The following BNC2 variants were observed in gnomAD, a reference collection of about 807,000 sequenced individuals.
BNC2 encodes the protein zinc finger protein basonuclin-2.
BNC2 carries 20 observed loss-of-function variants against 76.3 expected under a neutral mutation model. The observed-to-expected ratio is 0.26, with a 90% confidence interval of 0.18 to 0.38. The LOEUF (loss-of-function observed/expected upper bound fraction) is 0.38, where lower values mean the gene tolerates loss of function less well. BNC2 is among the 10% of genes least tolerant of loss of function. The pLI, the probability that BNC2 is intolerant of heterozygous loss-of-function variation, is 1.00. For missense variants in BNC2, 1,382 were observed against 1,399.8 expected (o/e 0.99, Z 0.20); for synonymous variants, 582 against 514.8 (o/e 1.13, Z -1.77).
At chr9:16,844,902 T>C (rs1818929716) in intron 1 of BNC2, among the ~76,000 whole-genome samples, 1 of 152,212 alleles carries the variant, frequency 6.6e-6, no homozygotes, top group Admixed American at 6.5e-5. Flanking sequence ...TCTGCAATCC[T>C]GATGCTGCAG....
intron 3 of BNC2, among the ~76,000 whole-genome samples, chr9:16,656,595 A>C (rs1438538540): frequency 6.6e-6 from 1 of 152,246 alleles, no homozygotes; most frequent in East Asian, 1.9e-4. Context: ...TCATGCTACC[A>C]TCACCACAAC....
At chr9:16,760,236 T>G (rs893780386) in intron 1 of BNC2, among the ~76,000 whole-genome samples, 1 of 152,148 alleles carries the variant, frequency 6.6e-6, no homozygotes, top group Admixed American at 6.5e-5. Flanking sequence ...GTGAGTAGTA[T>G]TTTTCAAAAT....
intron 1 of BNC2, among the ~76,000 whole-genome samples, chr9:16,789,191 G>A (rs1023890197): frequency 6.6e-6 from 1 of 152,118 alleles, no homozygotes; most frequent in Non-Finnish European, 1.5e-5. Context: ...TATAGGGGCA[G>A]AAAACATCAG....
At chr9:16,453,526 G>T (rs1031127477) in intron 5 of BNC2, among the ~76,000 whole-genome samples, 3 of 152,078 alleles carry the variant, frequency 2.0e-5, no homozygotes, top group African/African-American at 7.2e-5. Flanking sequence ...CATCCTAACT[G>T]GATTATTTTG....
At chr9:16,570,298 T>C (rs763364840) in intron 4 of BNC2, among the ~76,000 whole-genome samples, 19 of 152,162 alleles carry the variant, frequency 1.2e-4, no homozygotes, top group Non-Finnish European at 2.5e-4. Context: ...TACTCAGTCT[T>C]GAAAAAGAAA....
At chr9:16,809,131 A>T (rs1481345828) in intron 1 of BNC2, among the ~76,000 whole-genome samples, 2 of 152,168 alleles carry the variant, frequency 1.3e-5, no homozygotes, top group Non-Finnish European at 2.9e-5. Context: ...GCTGAGGCTT[A>T]AATGGCCTGG....
intron 1 of BNC2, among the ~76,000 whole-genome samples, chr9:16,775,050 T>C (rs1032476847): frequency 5.3e-5 from 8 of 152,198 alleles, no homozygotes; most frequent in African/African-American, 1.7e-4. Context: ...TTTAGAACAG[T>C]TGTTTTCAAA....
intron 3 of BNC2, chr9:16,625,804 T>G (rs1490507492): frequency 2.6e-5 from 4 of 152,110 alleles, no homozygotes; most frequent in Admixed American, 1.3e-4. Flanking sequence ...CAGCCAACAA[T>G]AAAGATGGGT....
chr9:16,690,809 T>C (rs964610496), intron 3 of BNC2, among the ~76,000 whole-genome samples: 2 of 152,100 alleles, frequency 1.3e-5, no homozygotes, highest in Non-Finnish European at 2.9e-5. Flanking sequence ...TGTGATTCTG[T>C]TATGCAACAG....
intron 1 of BNC2, among the ~76,000 whole-genome samples, chr9:16,869,089 C>G (rs1819612989): frequency 6.6e-6 from 1 of 152,162 alleles, no homozygotes; most frequent in African/African-American, 2.4e-5. Context: ...CTGCCACCGG[C>G]TTTTACAGTG....
chr9:16,647,243 G>A (rs572569580), intron 3 of BNC2, among the ~76,000 whole-genome samples: 15 of 152,176 alleles, frequency 9.9e-5, no homozygotes, highest in African/African-American at 3.1e-4. Flanking sequence ...TGCTGACTCG[G>A]GTGTCCCTTG....
At chr9:16,692,995 T>G (rs972445012) in intron 3 of BNC2, among the ~76,000 whole-genome samples, 5 of 123,836 alleles carry the variant, frequency 4.0e-5, no homozygotes, top group African/African-American at 1.3e-4. Flanking sequence ...CTGGGCATGG[T>G]GGCGGGCACC....
Position 16,453,265 on chromosome 9 carries a change from A to C in BNC2, c.670-15741T>G, listed in dbSNP as rs537454142. 3.9e-5 allele frequency among the ~76,000 whole-genome samples: 6 copies of C among 152,294 alleles called. No homozygotes were observed. In the East Asian group the frequency reaches 1.2e-3, roughly 29 times the overall value. On this transcript the variant is annotated intron_variant, in intron 5 of 6. Coordinates refer to ENST00000380672, the MANE Select transcript of BNC2 (RefSeq NM_017637.6). ...AGATGGGAAAACTGAGGTGCGTCAA[A>C]GTTGTCTAATATCATGAAGTGAGTA...
At position 16,417,484 on chromosome 9, in the gene BNC2, G is replaced by C. The variant is rs1820609747; in HGVS notation, c.*1505C>G. The C allele has an allele frequency of 6.6e-6, 1 of 152,176 alleles. No homozygotes were observed. The allele number at this position is 152,176 out of a possible 1,614,324, so 9.4% of individuals were successfully genotyped here. A position where few individuals can be genotyped will look rare whatever the true frequency, so the allele number is the denominator to read the frequency against. On this transcript the variant is annotated 3_prime_UTR_variant, in exon 7 of 7. Coordinates refer to ENST00000380672, the MANE Select transcript of BNC2 (RefSeq NM_017637.6). ...CCCCCTTCTTCTGGCTTTTCAGAAA[G>C]GAGTGTTGCTCCATTCAAGTTTAGC...
chr9:16,462,683 G>C (rs1034997018), intron 5 of BNC2, among the ~76,000 whole-genome samples: 5 of 152,176 alleles, frequency 3.3e-5, no homozygotes, highest in South Asian at 2.1e-4. Context: ...AATGGCGGGG[G>C]AGACAGAACC....
chr9:16,523,007 C>T (rs1817668820), intron 5 of BNC2, among the ~76,000 whole-genome samples: 1 of 152,148 alleles, frequency 6.6e-6, no homozygotes, highest in Admixed American at 6.5e-5. Flanking sequence ...CTCAGGTCAT[C>T]ATTTAATTAT....
intron 3 of BNC2, among the ~76,000 whole-genome samples, chr9:16,717,743 C>A (rs1273248554): frequency 6.6e-6 from 1 of 152,060 alleles, no homozygotes; most frequent in Non-Finnish European, 1.5e-5. Context: ...CTCTATTAAG[C>A]CTACTTTGAG....
At chr9:16,685,741 T>C (rs1444084885) in intron 3 of BNC2, 6 of 541,564 alleles carry the variant, frequency 1.1e-5, no homozygotes, top group Non-Finnish European at 2.0e-5. Context: ...CTCTAACAGG[T>C]CATCATGGCT....
intron 1 of BNC2, among the ~76,000 whole-genome samples, chr9:16,843,509 T>C (rs1818885862): frequency 6.6e-6 from 1 of 152,186 alleles, no homozygotes; most frequent in Admixed American, 6.5e-5. Flanking sequence ...AATTTCTGTA[T>C]TTTTAGTAGA....
Sources: gnomAD v4.1 joint callset for allele counts (sites outside exome capture counted in the v4.1 genomes callset) on GRCh38, gnomAD v4.1.1 for gene constraint, MANE v1.5 for transcripts, NCBI Gene and HGNC (gene_info 2026-07-23, HGNC 2026-07-21) for gene names.